CDK5RAP1: variants seen among roughly 807,000 people sequenced by gnomAD.
CDK5RAP1 encodes mitochondrial tRNA methylthiotransferase CDK5RAP1.
In CDK5RAP1, 62 loss-of-function variants were observed where a neutral mutation model predicts 64.5. The observed-to-expected ratio is 0.96, with a 90% confidence interval of 0.78 to 1.19. The LOEUF (loss-of-function observed/expected upper bound fraction) is 1.19, where lower values mean the gene tolerates loss of function less well. CDK5RAP1 is among the 50% of genes most tolerant of loss of function. CDK5RAP1 has a pLI of 0.00. For missense variants in CDK5RAP1, 657 were observed against 735.0 expected (o/e 0.89, Z 1.23); for synonymous variants, 250 against 261.9 (o/e 0.95, Z 0.44).
intron 1 of CDK5RAP1, among the ~76,000 whole-genome samples, chr20:33,397,538 T>C (rs1989016563): frequency 6.6e-6 from 1 of 152,226 alleles, no homozygotes; most frequent in South Asian, 2.1e-4. Context: ...GATAAAAATC[T>C]GTATGGATGC....
chr20:33,379,500 G>C lies in CDK5RAP1; in HGVS notation c.1068C>G (p.Ile356Met). ...CCTTGGGGTGGGGAGAGGTAAAACG[G>C]ATCCTCATTTCAGGATCTACTCTGG... ...QVSRVDPEMR[I>M]RFTSPHPKDF... The change falls in exon 8 of 14, where the codon ATC (isoleucine) becomes ATG (methionine). Residue 356 changes from isoleucine to methionine, a missense_variant. Ile to Met is a conservative substitution (Grantham distance 10). Transcript: ENST00000346416. The C allele has an allele frequency of 1.2e-6, 2 of 1,614,004 alleles. No individual in the cohort carries two copies. The highest frequency in any genetic ancestry group is 1.7e-6 in the Non-Finnish European group (2 of 1,179,908).
intron 1 of CDK5RAP1, among the ~76,000 whole-genome samples, chr20:33,400,838 T>C (rs1344232525): frequency 1.3e-5 from 2 of 152,068 alleles, no homozygotes; most frequent in East Asian, 3.9e-4. Flanking sequence ...GTATGGACCC[T>C]GGAGTCAGAA....
In CDK5RAP1 at chr20:33,360,396, A is replaced by C; in HGVS notation, c.1638T>G (p.Pro546=). The change falls in exon 13 of 14, where the codon CCT becomes CCG. Residue 546 remains proline, a synonymous_variant. Transcript: ENST00000346416. ...PDAEMEDVNN[P]GLRVRAQPGD... ...CAGGCTGGGCTCTGACCCTGAGCCC[A>C]GGGTTATTGACATCCTCCATCTCTG... 6.2e-7 allele frequency: 1 copy of C among 1,614,122 alleles called. No homozygotes were observed.
chr20:33,389,004 C>T (rs1438434512), intron 5 of CDK5RAP1, among the ~76,000 whole-genome samples: 1 of 152,210 alleles, frequency 6.6e-6, no homozygotes, highest in Non-Finnish European at 1.5e-5. Context: ...CCTGCCTTGG[C>T]CTCCCAAAGT....
intron 10 of CDK5RAP1, among the ~76,000 whole-genome samples, chr20:33,371,256 T>G (rs939587062): frequency 5.3e-5 from 8 of 152,180 alleles, no homozygotes; most frequent in African/African-American, 1.9e-4. Flanking sequence ...TTCATGCCAC[T>G]GCATTCCAGC....
intron 5 of CDK5RAP1, among the ~76,000 whole-genome samples, chr20:33,391,382 T>C (rs142862312): frequency 0.016 from 2,420 of 151,910 alleles, 27 homozygotes; most frequent in Non-Finnish European, 0.021. Flanking sequence ...CTAATGGAAC[T>C]AAAGAAGTGA....
chr20:33,368,662 A>G (rs291675), intron 11 of CDK5RAP1, among the ~76,000 whole-genome samples: 138,474 of 151,576 alleles, frequency 0.91, 63,432 homozygotes, highest in African/African-American at 0.96. Flanking sequence ...ACCTGAGGTC[A>G]GGAGTTTGAG....
In CDK5RAP1 at chr20:33,377,943, C is replaced by T. The variant is rs143567717; in HGVS notation, c.1107+1518G>A. Among the ~76,000 whole-genome samples, 38 of 152,248 alleles carry T rather than the reference C, an allele frequency of 2.5e-4. No homozygotes were observed. The East Asian group carries it at 3.7e-3, about 15-fold the overall frequency. On this transcript the variant is annotated intron_variant, in intron 8 of 13. Transcript: ENST00000346416. ...CTGGGATTAAAGGTGTGAGTCACTG[C>T]GCCCAGCCTGTGAGCCATCACACCC...
intron 7 of CDK5RAP1, among the ~76,000 whole-genome samples, chr20:33,382,805 C>T (rs1041817725): frequency 5.3e-5 from 8 of 152,098 alleles, no homozygotes; most frequent in African/African-American, 1.9e-4. Flanking sequence ...GCAGAGGTTG[C>T]AGTGAGCCAA....
In CDK5RAP1 at chr20:33,377,084, C is replaced by T. The variant is rs565411191; in HGVS notation, c.1107+2377G>A. 2.0e-5 allele frequency among the ~76,000 whole-genome samples: 3 copies of T among 152,248 alleles called. No individual in the cohort carries two copies. The East Asian group carries it at 5.8e-4, about 29-fold the overall frequency. Reference sequence around the variant, plus strand: ...GGCACAGTAGCTCCCGCCTGTGATCCCAGCACTTTGAGAGGCCTAGGTGGG... The same window carrying T: ...GGCACAGTAGCTCCCGCCTGTGATCTCAGCACTTTGAGAGGCCTAGGTGGG... On this transcript the variant is annotated intron_variant, in intron 8 of 13. Transcript: ENST00000346416.
At chr20:33,371,984 T>C (rs1375607403) in intron 10 of CDK5RAP1, among the ~76,000 whole-genome samples, 1 of 152,186 alleles carries the variant, frequency 6.6e-6, no homozygotes, top group Non-Finnish European at 1.5e-5. Context: ...GTACACATTT[T>C]ACTGCTGATC....
intron 9 of CDK5RAP1, chr20:33,372,913 CTTT>C (rs11291803): frequency 6.3e-3 from 1,267 of 200,542 alleles, no homozygotes; most frequent in South Asian, 0.011. Context: ...AGGACATAAA[CTTT>C]TTTTTTTTTT....
At chr20:33,366,318 C>CAA (rs759479446) in intron 12 of CDK5RAP1, among the ~76,000 whole-genome samples, 31 of 31,652 alleles carry the variant, frequency 9.8e-4, no homozygotes, top group African/African-American at 1.5e-3. Flanking sequence ...GACTCCATCT[C>CAA]AAAAAAAAAA....
rs377553177 is a variant in CDK5RAP1 at position 33,381,114 on chromosome 20, A to G, written c.877-1423T>C. Among the ~76,000 whole-genome samples the G allele has an allele frequency of 8.5e-5, 13 of 152,306 alleles. No homozygotes were observed. In the East Asian group the frequency reaches 2.3e-3, roughly 27 times the overall value. On this transcript the variant is annotated intron_variant, in intron 7 of 13. Transcript: ENST00000346416. ...ACTGCAATATTAAAAGAATTCCCAT[A>G]TACTCTTTGCCCAAATTCATCAAAT...
chr20:33,363,102 A>T (rs903031870), intron 12 of CDK5RAP1, among the ~76,000 whole-genome samples: 1 of 152,240 alleles, frequency 6.6e-6, no homozygotes, highest in Non-Finnish European at 1.5e-5. Flanking sequence ...TTAGAATACA[A>T]CATCATCTCT....
chr20:33,384,914 T>A (rs1987225322), intron 7 of CDK5RAP1, among the ~76,000 whole-genome samples: 1 of 151,740 alleles, frequency 6.6e-6, no homozygotes, highest in African/African-American at 2.4e-5. Flanking sequence ...AAATAAAAAA[T>A]AAAAAAAGAA....
At chr20:33,364,925 A>T (rs750434465) in intron 12 of CDK5RAP1, among the ~76,000 whole-genome samples, 23 of 148,364 alleles carry the variant, frequency 1.6e-4, no homozygotes, top group South Asian at 1.1e-3. Context: ...TTTTTGATAC[A>T]GACTCCAGGC....
intron 8 of CDK5RAP1, among the ~76,000 whole-genome samples, chr20:33,379,104 C>T (rs1986411068): frequency 6.6e-6 from 1 of 152,134 alleles, no homozygotes; most frequent in Non-Finnish European, 1.5e-5. Flanking sequence ...CGTATGCCAC[C>T]TCAGTCTCCC....
chr20:33,387,451 C>A lies in CDK5RAP1; in HGVS notation c.627G>T (p.Arg209=). ...CAACAGCCAGCAGCCGGGGAAGGTC[C>A]CGGTAGGCATCAGGACCAGCCAAAA... is the stretch of plus-strand genomic sequence containing the variant. ...VDILAGPDAY[R]DLPRLLAVAE... is the part of the protein sequence containing the mutation. Residue 209 remains arginine (R), a synonymous_variant, in exon 6 of 14, where the codon CGG becomes CGT. Transcript: ENST00000346416. The A allele has an allele frequency of 6.2e-7, 1 of 1,614,106 alleles. No homozygotes were observed. The highest frequency in any genetic ancestry group is 8.5e-7 in the Non-Finnish European group (1 of 1,180,016).
Sources: gnomAD v4.1 joint callset for allele counts (sites outside exome capture counted in the v4.1 genomes callset) on GRCh38, gnomAD v4.1.1 for gene constraint, MANE v1.5 for transcripts, NCBI Gene and HGNC (gene_info 2026-07-23, HGNC 2026-07-21) for gene names.